Variants in NELL2 observed in about 807,000 individuals in gnomAD.
NELL2 encodes protein kinase C-binding protein NELL2.
A neutral mutation model predicts 109.6 loss-of-function variants in NELL2; 41 were observed. The observed-to-expected ratio is 0.37, with a 90% CI of 0.29 to 0.49. The LOEUF is 0.49. Among genes scored for constraint, NELL2 ranks in the 20% least tolerant of loss-of-function variants. The probability of loss-of-function intolerance (pLI) is 0.98; values close to 1 mark genes in which losing one functional copy is unlikely to be tolerated. For synonymous variants in NELL2, 355 were observed against 344.7 expected, an observed-to-expected ratio of 1.03 and a Z score of -0.33; for missense variants, 900 against 1,008.3, an observed-to-expected ratio of 0.89 and a Z score of 1.45.
chr12:44,670,627 T>A, intron 12 of NELL2, among the ~76,000 whole-genome samples: 1 of 123,120 alleles, frequency 8.1e-6, no homozygotes, highest in Non-Finnish European at 1.8e-5. Flanking sequence ...TCCATGCAAA[T>A]GAAAACCAAA....
intron 15 of NELL2, among the ~76,000 whole-genome samples, chr12:44,546,461 A>C (rs1942799066): frequency 6.6e-6 from 1 of 152,280 alleles, no homozygotes; most frequent in South Asian, 2.1e-4. Flanking sequence ...GAAACATCAT[A>C]TCTCTCCCAC....
intron 9 of NELL2, among the ~76,000 whole-genome samples, chr12:44,739,736 C>G (rs989651951): frequency 3.8e-4 from 58 of 152,056 alleles, no homozygotes; most frequent in African/African-American, 1.3e-3. Flanking sequence ...AATAAAAATA[C>G]AAAAATTAGC....
At chr12:44,715,634 T>A (rs1006436610) in intron 9 of NELL2, among the ~76,000 whole-genome samples, 6 of 152,092 alleles carry the variant, frequency 3.9e-5, no homozygotes, top group African/African-American at 1.4e-4. Flanking sequence ...TTGTATTGTT[T>A]ATCTTTGAAA....
At chr12:44,742,339 A>C (rs1242770668) in intron 9 of NELL2, among the ~76,000 whole-genome samples, 1 of 152,238 alleles carries the variant, frequency 6.6e-6, no homozygotes, top group African/African-American at 2.4e-5. Context: ...CCAAAGGTAG[A>C]TAAAACCACA....
intron 9 of NELL2, among the ~76,000 whole-genome samples, chr12:44,748,427 T>A (rs1408956450): frequency 6.6e-6 from 1 of 152,146 alleles, no homozygotes; most frequent in African/African-American, 2.4e-5. Context: ...TGATCCTATG[T>A]TTTACAGAAA....
At chr12:44,908,761 TAAGAA>T (rs1945747859) in intron 1 of NELL2, among the ~76,000 whole-genome samples, 1 of 151,970 alleles carries the variant, frequency 6.6e-6, no homozygotes, top group Non-Finnish European at 1.5e-5. Context: ...GCACTCATCA[TAAGAA>T]AAGAGAATTT....
intron 15 of NELL2, among the ~76,000 whole-genome samples, chr12:44,546,902 G>A (rs2136158162): frequency 6.6e-6 from 1 of 152,294 alleles, no homozygotes; most frequent in Non-Finnish European, 1.5e-5. Flanking sequence ...AAGGGAATAG[G>A]AAAAGGAAGG....
chr12:44,919,914 T>C (rs1318715337), intron 1 of NELL2, among the ~76,000 whole-genome samples: 1 of 152,170 alleles, frequency 6.6e-6, no homozygotes, highest in African/African-American at 2.4e-5. Context: ...GCAAAAAAGA[T>C]AGAAAATGAG....
intron 1 of NELL2, among the ~76,000 whole-genome samples, chr12:44,881,435 G>T (rs1945410849): frequency 1.3e-5 from 2 of 151,660 alleles, no homozygotes; most frequent in African/African-American, 4.9e-5. Flanking sequence ...ATATAGAGAA[G>T]AACCAAGTGG....
intron 13 of NELL2, among the ~76,000 whole-genome samples, chr12:44,654,110 C>T (rs1230379889): frequency 6.6e-6 from 1 of 152,180 alleles, no homozygotes; most frequent in Non-Finnish European, 1.5e-5. Context: ...TCTGAGCTCC[C>T]CACAGCTCTC....
chr12:44,714,406 AC>A (rs1234685061), intron 10 of NELL2, among the ~76,000 whole-genome samples: 1 of 152,030 alleles, frequency 6.6e-6, no homozygotes, highest in East Asian at 1.9e-4. Flanking sequence ...AAAACATACG[AC>A]AACTTCATAA....
chr12:44,711,503 C>A (rs1246566487), intron 10 of NELL2, 109 bp from the exon 11 acceptor site: 1 of 822,966 alleles, frequency 1.2e-6, no homozygotes, highest in African/African-American at 1.7e-5. Flanking sequence ...AAATTTTTGT[C>A]CTGAGGACCT....
chr12:44,704,808 C>T (rs1451345695), intron 11 of NELL2, among the ~76,000 whole-genome samples: 1 of 151,992 alleles, frequency 6.6e-6, no homozygotes, highest in East Asian at 1.9e-4. Context: ...CATTTAAGAT[C>T]AGGAGTTGGA....
chr12:44,766,713 T>C (rs906668178), intron 9 of NELL2, among the ~76,000 whole-genome samples: 2 of 152,234 alleles, frequency 1.3e-5, no homozygotes, highest in Non-Finnish European at 2.9e-5. Context: ...CAAAGCCTTA[T>C]GATACTAAGA....
At chr12:44,611,064 T>G in intron 13 of NELL2, 94 bp from the exon 14 acceptor site, 1 of 1,242,918 alleles carries the variant, frequency 8.0e-7, no homozygotes, top group Admixed American at 1.8e-5. Flanking sequence ...CATGGTAAAT[T>G]CTTTCAACCA....
At chr12:44,818,752 T>TC (rs1943442488) in intron 2 of NELL2, among the ~76,000 whole-genome samples, 1 of 135,132 alleles carries the variant, frequency 7.4e-6, no homozygotes, top group East Asian at 2.4e-4. Flanking sequence ...TTTTTTTTTT[T>TC]TGAGACGGAG....
rs969565032 is a variant in NELL2, at chr12:44,607,350, G to A, written c.1568-86C>T. 7.2e-6 allele frequency: 7 copies of A among 978,976 alleles called. No individual in the cohort carries two copies. In the Admixed American group the frequency reaches 1.2e-4, roughly 16 times the overall value. 60.6% of individuals were successfully genotyped at this position (978,976 alleles called of 1,614,324 possible). A position where few individuals can be genotyped will look rare whatever the true frequency, so the allele number is the denominator to read the frequency against. On this transcript the variant is annotated intron_variant, in intron 14 of 19. Coordinates refer to ENST00000429094, the MANE Select transcript of NELL2 (RefSeq NM_001145108.2). ...AACCTAGCTTTTCATTATCCCCTTG[G>A]AGATGTAAACATCAAATTATAAAAG...
intron 11 of NELL2, among the ~76,000 whole-genome samples, chr12:44,704,092 T>C (rs1592366770): frequency 6.6e-6 from 1 of 152,184 alleles, no homozygotes; most frequent in African/African-American, 2.4e-5. Flanking sequence ...TTTTTGACTT[T>C]ATAAATGCTA....
intron 9 of NELL2, among the ~76,000 whole-genome samples, chr12:44,722,662 T>C (rs1938844398): frequency 6.6e-6 from 1 of 152,056 alleles, no homozygotes; most frequent in East Asian, 1.9e-4. Flanking sequence ...GCACTGAGGG[T>C]GAAATGATTT....
Sources: gnomAD v4.1 joint callset for allele counts (sites outside exome capture counted in the v4.1 genomes callset) on GRCh38, gnomAD v4.1.1 for gene constraint, MANE v1.5 for transcripts, NCBI Gene and HGNC (gene_info 2026-07-23, HGNC 2026-07-21) for gene names.